The following TET3 variants were observed in gnomAD, a reference collection of about 807,000 sequenced individuals.
TET3 encodes the protein methylcytosine dioxygenase TET3.
A neutral mutation model predicts 141.4 loss-of-function variants in TET3; 19 were observed. The observed-to-expected ratio is 0.13, with a 90% confidence interval of 0.09 to 0.20. TET3 has a LOEUF of 0.20. Among genes scored for constraint, TET3 ranks in the 10% least tolerant of loss-of-function variants. The pLI, the probability that TET3 is intolerant of heterozygous loss-of-function variation, is 1.00. For synonymous variants in TET3, 1,043 were observed against 980.9 expected (o/e 1.06, Z -1.18); for missense variants, 1,874 against 2,356.9 (o/e 0.80, Z 4.24).
intron 3 of TET3, among the ~76,000 whole-genome samples, chr2:74,019,725 C>T (rs894902657): frequency 3.9e-5 from 6 of 152,182 alleles, no homozygotes; most frequent in African/African-American, 1.4e-4. Flanking sequence ...GGCTCCAGGC[C>T]CTGCAGGCTG....
rs1383521619 is a variant in TET3 at position 74,057,486 on chromosome 2, T to C, written c.2494+9075T>C. On this transcript the variant is annotated intron_variant, in intron 4 of 11. Transcript: ENST00000409262. ...AGCATCCAGTTATCTACCTGAATTTTTAAGGAAAGAATTTGAGCACTGTCC... is the reference window on the plus strand; with the variant it reads ...AGCATCCAGTTATCTACCTGAATTTCTAAGGAAAGAATTTGAGCACTGTCC... Among the ~76,000 whole-genome samples the C allele has an allele frequency of 2.0e-5, 3 of 152,236 alleles. No homozygotes were observed. In the East Asian group the frequency reaches 5.8e-4, roughly 29 times the overall value.
chr2:74,102,311 T>A lies in TET3; in HGVS notation c.*135T>A. 1 of 1,208,728 alleles carries A rather than the reference T, an allele frequency of 8.3e-7. No homozygotes were observed. The highest frequency in any genetic ancestry group is 1.0e-6 in the Non-Finnish European group (1 of 954,564). 74.9% of individuals were successfully genotyped at this position (1,208,728 alleles called of 1,614,324 possible). A position where few individuals can be genotyped will look rare whatever the true frequency, so the allele number is the denominator to read the frequency against. On this transcript the variant is annotated 3_prime_UTR_variant, in exon 12 of 12. Coordinates refer to ENST00000409262, the MANE Select transcript of TET3 (RefSeq NM_001287491.2). ...CTATATACATATATAGATGCGCATA[T>A]CATATATATGTATTTATGGTCCAAA...
intron 3 of TET3, among the ~76,000 whole-genome samples, chr2:74,030,314 C>G (rs1686609793): frequency 6.6e-6 from 1 of 152,170 alleles, no homozygotes; most frequent in East Asian, 1.9e-4. Flanking sequence ...GCAGTCTAAA[C>G]TTCATACAGT....
At chr2:74,128,185 T>C in the TET3 span, among the ~76,000 whole-genome samples, 50,169 of 152,044 alleles carry the variant, frequency 0.33, 9,036 homozygotes, top group East Asian at 0.49. Context: ...TCAAGGCATT[T>C]TTTTTTTCGC....
intron 3 of TET3, among the ~76,000 whole-genome samples, chr2:74,035,572 C>G (rs938950617): frequency 1.3e-5 from 2 of 150,760 alleles, no homozygotes; most frequent in East Asian, 2.0e-4. Context: ...ACTAAAAATA[C>G]AAAAATGAGC....
At chr2:74,013,716 G>A (rs940741423) in intron 3 of TET3, among the ~76,000 whole-genome samples, 1 of 152,098 alleles carries the variant, frequency 6.6e-6, no homozygotes, top group African/African-American at 2.4e-5. Context: ...GGAGGCTGAG[G>A]CAGGAGAATG....
At chr2:74,028,158 A>T (rs543567662) in intron 3 of TET3, among the ~76,000 whole-genome samples, 74 of 150,194 alleles carry the variant, frequency 4.9e-4, no homozygotes, top group East Asian at 7.8e-4. Flanking sequence ...GCCTAATTTT[A>T]AAAAAAAAAT....
the TET3 span, chr2:74,120,542 C>G: frequency 2.0e-5 from 3 of 152,262 alleles, no homozygotes; most frequent in Non-Finnish European, 2.9e-5. Flanking sequence ...GGCGTCGTCG[C>G]GGGTTCTTCC....
At chr2:74,124,206 G>T in the TET3 span, among the ~76,000 whole-genome samples, 1 of 150,760 alleles carries the variant, frequency 6.6e-6, no homozygotes, top group Admixed American at 6.6e-5. Flanking sequence ...ACCCCATCCG[G>T]GAGGGAGGTG....
chr2:74,115,534 T>C, the TET3 span, among the ~76,000 whole-genome samples: 1 of 152,134 alleles, frequency 6.6e-6, no homozygotes, highest in African/African-American at 2.4e-5. Flanking sequence ...GATTCATCCA[T>C]GTAACCAAAA....
chr2:74,002,601 G>T (rs1339579360), intron 2 of TET3: 1 of 339,406 alleles, frequency 2.9e-6, no homozygotes, highest in Non-Finnish European at 5.3e-6. Flanking sequence ...CGGCTGGGCA[G>T]GTCCACCAGG....
Position 74,089,320 on chromosome 2 carries a change from G to A in TET3, c.2889-577G>A, listed in dbSNP as rs536404218. Among the ~76,000 whole-genome samples the A allele has an allele frequency of 2.2e-3, 335 of 152,222 alleles. 1 individual carries two copies. The highest frequency in any genetic ancestry group is 7.5e-3 in the African/African-American group (310 of 41,518). On this transcript the variant is annotated intron_variant, in intron 7 of 11. Coordinates refer to ENST00000409262, the MANE Select transcript of TET3 (RefSeq NM_001287491.2). ...GTTTTCAGTGTTCATCTGTGTTGAC[G>A]TGTGTGTCAGTAGCTCGTTCCTTTT...
In TET3 at chr2:74,047,326, C is replaced by T. The variant is rs1431141716; in HGVS notation, c.1409C>T (p.Ala470Val). The change falls in exon 4 of 12, where the codon GCC becomes GTC. Residue 470 changes from alanine to valine, a missense_variant. Physicochemically the swap from Ala to Val is moderately conservative, Grantham distance 64. Around this residue, in one of 10 missense-constraint regions of TET3, gnomAD observed 484 missense variants for 462.2 expected, o/e 1.05. Coordinates refer to ENST00000409262, the MANE Select transcript of TET3 (RefSeq NM_001287491.2). ...GAACTGGAGCAGTTGTTGGGCAGCG[C>T]CAGTGATTACATCCAGTCAGTATTC... Reference protein sequence around the residue: ...MAELEQLLGSASDYIQSVFKR... With the variant: ...MAELEQLLGSVSDYIQSVFKR... 6.2e-7 allele frequency: 1 copy of T among 1,613,906 alleles called. No homozygotes were observed. The highest frequency in any genetic ancestry group is 8.5e-7 in the Non-Finnish European group (1 of 1,179,892).
chr2:74,009,804 G>A (rs1685331515), intron 3 of TET3, among the ~76,000 whole-genome samples: 1 of 152,236 alleles, frequency 6.6e-6, no homozygotes, highest in South Asian at 2.1e-4. Context: ...TAAGATGCCA[G>A]GGGGCTGCCC....
upstream of TET3, among the ~76,000 whole-genome samples, chr2:73,984,406 C>T (rs1683890297): frequency 6.6e-6 from 1 of 152,198 alleles, no homozygotes; most frequent in Non-Finnish European, 1.5e-5. The surrounding 1 kb of genome is among the most constrained non-coding windows in gnomAD (Gnocchi z 5.6). Flanking sequence ...CGCGCGATGT[C>T]CCCCATTGTC....
chr2:74,043,165 C>T (rs1369476619), intron 3 of TET3, among the ~76,000 whole-genome samples: 1 of 152,230 alleles, frequency 6.6e-6, no homozygotes, highest in Non-Finnish European at 1.5e-5. Context: ...TTTCCGTCTT[C>T]CTACATAAGC....
Position 74,099,425 on chromosome 2 carries a change from C to G in TET3, c.3417C>G (p.Ile1139Met), listed in dbSNP as rs1691033773. 1.2e-6 allele frequency: 2 copies of G among 1,613,918 alleles called. No individual in the cohort carries two copies. The highest frequency in any genetic ancestry group is 1.7e-5 in the Admixed American group (1 of 60,004). Residue 1139 changes from isoleucine to methionine, a missense_variant, in exon 11 of 12, where the codon ATC becomes ATG. Ile to Met is a conservative substitution (Grantham distance 10, BLOSUM62 1). Around this residue, in one of 10 missense-constraint regions of TET3, gnomAD observed 53 missense variants for 112.8 expected, o/e 0.47. Coordinates refer to ENST00000409262, the MANE Select transcript of TET3 (RefSeq NM_001287491.2). ...NQNAKVGSGA[I>M]QVLTAFPREV... is the part of the protein sequence containing the mutation. ...ATGCAAAGGTGGGCAGCGGAGCCAT[C>G]CAGGTGCTCACCGCCTTCCCCCGCG... is the stretch of plus-strand genomic sequence containing the variant.
chr2:74,060,029 G>GT lies in TET3; in HGVS notation c.2494+11619dup, dbSNP rs559831595. Among the ~76,000 whole-genome samples the GT allele has an allele frequency of 3.4e-3, 517 of 152,280 alleles. 3 individuals are homozygous for GT. Among genetic ancestry groups the GT allele is most frequent in the African/African-American group, 7.2e-3 (298 of 41,542 alleles). ...TCTTGGTGCATTTATGTATACATGT[G>GT]TATACTTAGGTATTTACCTAGGACT... On this transcript the variant is annotated intron_variant, in intron 4 of 11. Coordinates refer to ENST00000409262, the MANE Select transcript of TET3 (RefSeq NM_001287491.2).
At chr2:74,063,572 C>T (rs1207230718) in intron 4 of TET3, among the ~76,000 whole-genome samples, 2 of 151,582 alleles carry the variant, frequency 1.3e-5, no homozygotes, top group Non-Finnish European at 1.5e-5. Flanking sequence ...ACAAATGCTG[C>T]ATGATTCCAC....
Sources: gnomAD v4.1 joint callset for allele counts (sites outside exome capture counted in the v4.1 genomes callset) on GRCh38, gnomAD v4.1.1 for gene constraint, gnomAD v4.1.1 regional missense constraint, Gnocchi (gnomAD v3.1) non-coding constraint, MANE v1.5 for transcripts, NCBI Gene and HGNC (gene_info 2026-07-23, HGNC 2026-07-21) for gene names.